CAMTA1: variants seen among roughly 807,000 people sequenced by gnomAD.
The protein encoded by CAMTA1 is calmodulin-binding transcription activator 1.
CAMTA1 carries 27 observed loss-of-function variants against 170.9 expected under a neutral mutation model. That is an observed-to-expected ratio of 0.16 (90% CI 0.12 to 0.22). The LOEUF is 0.22. CAMTA1 is among the 10% of genes least tolerant of loss of function. CAMTA1 has a pLI of 1.00. For synonymous variants in CAMTA1, 833 were observed against 891.5 expected (o/e 0.93, Z 1.17); for missense variants, 1,619 against 2,217.2 (o/e 0.73, Z 5.42).
intron 5 of CAMTA1, among the ~76,000 whole-genome samples, chr1:7,254,053 C>T (rs1370206784): frequency 4.6e-5 from 7 of 151,998 alleles, no homozygotes; most frequent in African/African-American, 1.7e-4. Flanking sequence ...AACCTGAGGC[C>T]GACTTGGCCT....
At chr1:7,512,392 G>A (rs1210838794) in intron 6 of CAMTA1, among the ~76,000 whole-genome samples, 1 of 152,224 alleles carries the variant, frequency 6.6e-6, no homozygotes, top group Non-Finnish European at 1.5e-5. Context: ...ATTTCAAATG[G>A]TGGGGCAAGG....
chr1:7,715,495 C>T (rs967504830), intron 11 of CAMTA1, among the ~76,000 whole-genome samples: 4 of 151,054 alleles, frequency 2.6e-5, no homozygotes, highest in African/African-American at 9.8e-5. Flanking sequence ...TGCAGTGGCA[C>T]AGTCATGGCT....
chr1:6,861,888 A>T (rs921260328), intron 3 of CAMTA1, among the ~76,000 whole-genome samples: 2 of 151,896 alleles, frequency 1.3e-5, no homozygotes, highest in Non-Finnish European at 2.9e-5. Flanking sequence ...GCCCCCGGCA[A>T]CCACCCTTTT....
chr1:7,514,198 C>T (rs1032197217), intron 6 of CAMTA1, among the ~76,000 whole-genome samples: 14 of 152,336 alleles, frequency 9.2e-5, no homozygotes, highest in Admixed American at 5.2e-4. Context: ...CTCCATGCCT[C>T]GGAGCCTCTT....
At chr1:7,606,034 C>T (rs2095483760) in intron 6 of CAMTA1, among the ~76,000 whole-genome samples, 2 of 152,150 alleles carry the variant, frequency 1.3e-5, no homozygotes, top group Admixed American at 1.3e-4. Context: ...TCTCAGAGCC[C>T]ACTGCCCCTG....
At chr1:6,896,360 G>A (rs552400147) in intron 3 of CAMTA1, among the ~76,000 whole-genome samples, 2 of 152,268 alleles carry the variant, frequency 1.3e-5, no homozygotes, top group East Asian at 1.9e-4. Flanking sequence ...GGGGCAGTGG[G>A]ATGGCACTGC....
At chr1:6,921,028 C>G (rs1298777305) in intron 3 of CAMTA1, among the ~76,000 whole-genome samples, 1 of 152,376 alleles carries the variant, frequency 6.6e-6, no homozygotes, top group East Asian at 1.9e-4. Context: ...ATTTCTGCAG[C>G]AGGCTTGAAT....
intron 3 of CAMTA1, among the ~76,000 whole-genome samples, chr1:7,040,101 T>G (rs1462580963): frequency 6.6e-6 from 1 of 152,074 alleles, no homozygotes; most frequent in Non-Finnish European, 1.5e-5. Context: ...TTTCTTTTTT[T>G]GGGTGGCAAC....
chr1:7,384,570 A>G (rs1163094216), intron 5 of CAMTA1, among the ~76,000 whole-genome samples: 2 of 152,248 alleles, frequency 1.3e-5, no homozygotes, highest in African/African-American at 4.8e-5. Flanking sequence ...ATTCAAAATT[A>G]AAAGAAATTT....
chr1:7,238,311 C>G (rs974879053), intron 4 of CAMTA1, among the ~76,000 whole-genome samples: 1 of 152,078 alleles, frequency 6.6e-6, no homozygotes, highest in Non-Finnish European at 1.5e-5. Flanking sequence ...GTCAGATAGT[C>G]TGGATTTGAA....
chr1:6,959,832 C>T (rs969695857), intron 3 of CAMTA1, among the ~76,000 whole-genome samples: 1 of 152,130 alleles, frequency 6.6e-6, no homozygotes, highest in South Asian at 2.1e-4. Flanking sequence ...TGGCCTTCTG[C>T]AGCACCCCTT....
chr1:7,404,474 G>A (rs1027236079), intron 5 of CAMTA1, among the ~76,000 whole-genome samples: 9 of 152,242 alleles, frequency 5.9e-5, no homozygotes, highest in African/African-American at 1.2e-4. Flanking sequence ...CCTTTTGTGC[G>A]GGCTTCCCGA....
intron 6 of CAMTA1, among the ~76,000 whole-genome samples, chr1:7,509,716 C>A (rs2094173624): frequency 6.6e-6 from 1 of 152,134 alleles, no homozygotes; most frequent in Admixed American, 6.5e-5. Context: ...TGCACAGCTG[C>A]TGGGTCCCTT....
At chr1:7,015,843 A>G (rs1174588859) in intron 3 of CAMTA1, among the ~76,000 whole-genome samples, 1 of 151,592 alleles carries the variant, frequency 6.6e-6, no homozygotes, top group Non-Finnish European at 1.5e-5. Context: ...GCCTCAGGAA[A>G]CTTACAATCA....
intron 5 of CAMTA1, among the ~76,000 whole-genome samples, chr1:7,396,421 A>G (rs1245722117): frequency 6.6e-6 from 1 of 152,212 alleles, no homozygotes; most frequent in African/African-American, 2.4e-5. Context: ...ATTCCTTTAT[A>G]GCAATACAAA....
chr1:7,205,038 C>T (rs1420498610), intron 4 of CAMTA1, among the ~76,000 whole-genome samples: 1 of 151,526 alleles, frequency 6.6e-6, no homozygotes, highest in Non-Finnish European at 1.5e-5. Flanking sequence ...ACCATGTTAG[C>T]CAGGATGGTC....
At chr1:7,312,380 T>C (rs1430698885) in intron 5 of CAMTA1, among the ~76,000 whole-genome samples, 2 of 98,278 alleles carry the variant, frequency 2.0e-5, no homozygotes, top group Admixed American at 1.2e-4. Context: ...CTCCTTGAGC[T>C]GCAACCAGAG....
chr1:7,165,297 C>G lies in CAMTA1; in HGVS notation c.302+73926C>G, dbSNP rs941035906. On this transcript the variant is annotated intron_variant, in intron 4 of 22. Transcript: ENST00000303635. ...AGCTGTTTACCCACCACTTAGCTTTCTTGATCAAATCTTACCCTTTGCCCC... is the reference window on the plus strand; with the variant it reads ...AGCTGTTTACCCACCACTTAGCTTTGTTGATCAAATCTTACCCTTTGCCCC... Among the ~76,000 whole-genome samples, 20 of 152,332 alleles carry G rather than the reference C, an allele frequency of 1.3e-4. 1 individual carries two copies. Among genetic ancestry groups the G allele is most frequent in the African/African-American group, 4.6e-4 (19 of 41,584 alleles).
chr1:7,550,039 G>T lies in CAMTA1; in HGVS notation c.510+82138G>T, dbSNP rs549787805. ...AGGAGGAGGAGGGTGTGCAAAGGAG[G>T]AGAATCCCAAGGAGTCATTGCAGGG... is the stretch of plus-strand genomic sequence containing the variant. On this transcript the variant is annotated intron_variant, in intron 6 of 22. Transcript: ENST00000303635. Among the ~76,000 whole-genome samples, 17 of 152,190 alleles carry T rather than the reference G, an allele frequency of 1.1e-4. No homozygotes were observed. The East Asian group carries it at 3.3e-3, about 29-fold the overall frequency.
Sources: allele counts gnomAD v4.1 joint callset (sites outside exome capture counted in the v4.1 genomes callset), GRCh38; gene constraint gnomAD v4.1.1; transcripts MANE v1.5; gene names NCBI Gene and HGNC (gene_info 2026-07-23, HGNC 2026-07-21).